The following SLC5A4 variants were observed in gnomAD, a reference collection of about 807,000 sequenced individuals.
SLC5A4 encodes probable glucose sensor protein SLC5A4.
Under a neutral mutation model 70.3 loss-of-function variants are expected in SLC5A4, and 55 were observed. The ratio of observed to expected loss-of-function variants is 0.78; its 90% CI spans 0.63 to 0.98. The LOEUF (loss-of-function observed/expected upper bound fraction) is 0.98. Ranked by LOEUF, SLC5A4 falls within the 50% of genes least tolerant of loss-of-function variation. The probability of loss-of-function intolerance (pLI) is 0.00; values close to 1 mark genes in which losing one functional copy is unlikely to be tolerated. For synonymous variants in SLC5A4, 268 were observed against 305.7 expected, an observed-to-expected ratio of 0.88 and a Z score of 1.29; for missense variants, 735 against 839.2, an observed-to-expected ratio of 0.88 and a Z score of 1.53.
At chr22:32,304,400 C>T in the SLC5A4 span, among the ~76,000 whole-genome samples, 80 of 152,144 alleles carry the variant, frequency 5.3e-4, no homozygotes, top group Non-Finnish European at 1.1e-3. Flanking sequence ...CTCAGCCTCT[C>T]AAAAGTACTG....
chr22:32,318,866 C>T, the SLC5A4 span, among the ~76,000 whole-genome samples: 366 of 152,304 alleles, frequency 2.4e-3, 1 homozygote, highest in Non-Finnish European at 3.6e-3. Context: ...TCCACTCCAA[C>T]GGTAATGGTT....
At chr22:32,305,172 T>C in the SLC5A4 span, among the ~76,000 whole-genome samples, 10 of 152,286 alleles carry the variant, frequency 6.6e-5, no homozygotes, top group African/African-American at 2.4e-4. Flanking sequence ...TTTAAAAAAA[T>C]TTCTCCAGTT....
intron 10 of SLC5A4, among the ~76,000 whole-genome samples, chr22:32,229,940 T>C (rs1253461340): frequency 1.3e-5 from 2 of 152,148 alleles, no homozygotes; most frequent in Non-Finnish European, 2.9e-5. Flanking sequence ...CCATCTTTCT[T>C]TGGGTAGGGA....
the SLC5A4 span, among the ~76,000 whole-genome samples, chr22:32,302,680 G>A: frequency 1.3e-5 from 2 of 152,140 alleles, no homozygotes; most frequent in South Asian, 2.1e-4. Context: ...ATTCATCTGT[G>A]TGTCTGTCCT....
At chr22:32,277,881 A>C in the SLC5A4 span, among the ~76,000 whole-genome samples, 11 of 152,266 alleles carry the variant, frequency 7.2e-5, no homozygotes, top group East Asian at 2.1e-3. Context: ...TTCTATTTCA[A>C]AGGTCTAAAT....
intron 8 of SLC5A4, among the ~76,000 whole-genome samples, chr22:32,234,025 G>A (rs1925916889): frequency 6.6e-6 from 1 of 152,232 alleles, no homozygotes; most frequent in South Asian, 2.1e-4. Context: ...CTTGCATGGG[G>A]CTGAGAAGGG....
At chr22:32,308,827 T>C in the SLC5A4 span, among the ~76,000 whole-genome samples, 1 of 152,104 alleles carries the variant, frequency 6.6e-6, no homozygotes, top group Non-Finnish European at 1.5e-5. Flanking sequence ...CAGCTGGGTG[T>C]GTGTGCACCC....
chr22:32,318,520 C>A, the SLC5A4 span, among the ~76,000 whole-genome samples: 18 of 152,266 alleles, frequency 1.2e-4, no homozygotes, highest in Admixed American at 3.9e-4. Flanking sequence ...ATCTTTGACC[C>A]CTCTTTTCCT....
intron 5 of SLC5A4, among the ~76,000 whole-genome samples, chr22:32,243,561 A>G (rs1302580430): frequency 3.9e-5 from 6 of 152,228 alleles, no homozygotes; most frequent in Non-Finnish European, 5.9e-5. Flanking sequence ...GGGAAGGCTC[A>G]GTTTAAAAAA....
Position 32,229,175 on chromosome 22 carries a change from G to A in SLC5A4, c.1280+19C>T. 1.2e-5 allele frequency: 20 copies of A among 1,609,706 alleles called. No individual in the cohort carries two copies. The highest frequency in any genetic ancestry group is 1.7e-5 in the Non-Finnish European group (20 of 1,176,998). On this transcript the variant is annotated intron_variant, in intron 11 of 14. Coordinates refer to ENST00000266086, the MANE Select transcript of SLC5A4 (RefSeq NM_014227.3). The stretch of plus-strand genomic sequence containing the variant: ...GTACTTCTCCAGAGGATTCTAGGTG[G>A]GAACCAGGGTTCACTCACCGTCCAG...
the SLC5A4 span, among the ~76,000 whole-genome samples, chr22:32,317,454 T>A: frequency 5.9e-5 from 9 of 152,022 alleles, no homozygotes; most frequent in Non-Finnish European, 1.2e-4. Flanking sequence ...GTTCTTTTTT[T>A]AATTTTTAAA....
chr22:32,262,198 T>C, the SLC5A4 span, among the ~76,000 whole-genome samples: 1 of 152,214 alleles, frequency 6.6e-6, no homozygotes, highest in East Asian at 1.9e-4. Flanking sequence ...AACAGTGGGA[T>C]TGCTGGATCA....
chr22:32,336,127 C>T, the SLC5A4 span, among the ~76,000 whole-genome samples: 5 of 152,122 alleles, frequency 3.3e-5, no homozygotes, highest in Admixed American at 2.6e-4. Flanking sequence ...GATCTGGGAG[C>T]TGGGCCCATT....
the SLC5A4 span, among the ~76,000 whole-genome samples, chr22:32,354,219 C>T: frequency 1.5e-5 from 2 of 131,302 alleles, no homozygotes; most frequent in Non-Finnish European, 3.2e-5. Context: ...GGCAGTCTGG[C>T]CCCCAGTAGC....
intron 5 of SLC5A4, among the ~76,000 whole-genome samples, chr22:32,243,193 C>T (rs1419302582): frequency 6.6e-6 from 1 of 152,046 alleles, no homozygotes; most frequent in Non-Finnish European, 1.5e-5. Context: ...GAATGCATAA[C>T]GTGAATCCAA....
At chr22:32,224,583 C>T (rs1258065219) in intron 12 of SLC5A4, 101 bp from the exon 13 acceptor site, 4 of 940,690 alleles carry the variant, frequency 4.3e-6, no homozygotes, top group Non-Finnish European at 6.5e-6. Flanking sequence ...CAGTTAAGGA[C>T]CAACAAATGG....
At chr22:32,223,018 T>A (rs1393908769) in intron 13 of SLC5A4, among the ~76,000 whole-genome samples, 1 of 152,174 alleles carries the variant, frequency 6.6e-6, no homozygotes, top group East Asian at 1.9e-4. Flanking sequence ...TCTATATGCC[T>A]ACATGTGTTT....
At chr22:32,324,367 TAC>T in the SLC5A4 span, among the ~76,000 whole-genome samples, 18 of 152,004 alleles carry the variant, frequency 1.2e-4, no homozygotes, top group Non-Finnish European at 2.1e-4. Context: ...ACATTCTACT[TAC>T]AGTTTCTTAG....
At chr22:32,236,534 T>G (rs1473096401) in intron 7 of SLC5A4, among the ~76,000 whole-genome samples, 1 of 152,182 alleles carries the variant, frequency 6.6e-6, no homozygotes, top group Non-Finnish European at 1.5e-5. Context: ...TGACTAATAT[T>G]CAGTTCTCAA....
Sources: allele counts gnomAD v4.1 joint callset (sites outside exome capture counted in the v4.1 genomes callset), GRCh38; gene constraint gnomAD v4.1.1; transcripts MANE v1.5; gene names NCBI Gene and HGNC (gene_info 2026-07-23, HGNC 2026-07-21).